Variants in ATP2B2 observed in about 807,000 individuals in gnomAD.
The protein encoded by ATP2B2 is plasma membrane calcium-transporting ATPase 2.
In ATP2B2, 15 loss-of-function variants were observed where a neutral mutation model predicts 120.0. The observed-to-expected ratio is 0.12, with a 90% CI of 0.08 to 0.19. The LOEUF is 0.19. ATP2B2 is among the 10% of genes least tolerant of loss of function. The pLI is 1.00. For synonymous variants in ATP2B2, 694 were observed against 700.3 expected (o/e 0.99, Z 0.14); for missense variants, 1,045 against 1,719.8 (o/e 0.61, Z 6.94).
intron 1 of ATP2B2, among the ~76,000 whole-genome samples, chr3:10,653,164 A>T (rs574195217): frequency 6.6e-6 from 1 of 152,308 alleles, no homozygotes; most frequent in Admixed American, 6.5e-5. Flanking sequence ...GTTCTCAGAT[A>T]GGTATTTCTA....
chr3:10,412,600 G>C (rs1190412998), intron 2 of ATP2B2, among the ~76,000 whole-genome samples: 1 of 152,136 alleles, frequency 6.6e-6, no homozygotes, highest in Non-Finnish European at 1.5e-5. Flanking sequence ...CTCCACCCCA[G>C]GAGGACAGTG....
rs996523934 is a variant in ATP2B2, at chr3:10,386,590, C to A, written c.908-78G>T. On this transcript the variant is annotated intron_variant, in intron 6 of 22. Coordinates refer to ENST00000360273, the MANE Select transcript of ATP2B2 (RefSeq NM_001001331.4). ...CTGCCCATGCGCACGCGCACACACA[C>A]AAACACACATGTGCATACACACATG... 17 of 1,486,574 alleles carry A rather than the reference C, an allele frequency of 1.1e-5. No homozygotes were observed. The Middle Eastern group carries it at 6.9e-4, about 60-fold the overall frequency. 92.1% of individuals were successfully genotyped at this position (1,486,574 alleles called of 1,614,324 possible).
intron 1 of ATP2B2, among the ~76,000 whole-genome samples, chr3:10,674,966 A>G (rs2071206033): frequency 6.6e-6 from 1 of 152,214 alleles, no homozygotes; most frequent in Non-Finnish European, 1.5e-5. Context: ...CTCTTTATTT[A>G]GTCTCCTTCA....
intron 3 of ATP2B2, among the ~76,000 whole-genome samples, chr3:10,522,226 T>C (rs895192723): frequency 6.6e-6 from 1 of 152,218 alleles, no homozygotes; most frequent in Non-Finnish European, 1.5e-5. Flanking sequence ...TGCTGTGCCC[T>C]ATTTGAGGAG....
chr3:10,338,727 G>A (rs1428181629), intron 21 of ATP2B2: 4 of 323,488 alleles, frequency 1.2e-5, no homozygotes, highest in East Asian at 8.8e-5. Flanking sequence ...TAACCTCACC[G>A]AGCTTTGGTT....
intron 3 of ATP2B2, among the ~76,000 whole-genome samples, chr3:10,408,339 T>C (rs2125006391): frequency 6.6e-6 from 1 of 152,222 alleles, no homozygotes; most frequent in East Asian, 1.9e-4. Flanking sequence ...GTTTTTTGTT[T>C]GTTTGTTTGT....
At chr3:10,527,700 C>T (rs2125467287) in intron 3 of ATP2B2, among the ~76,000 whole-genome samples, 1 of 152,360 alleles carries the variant, frequency 6.6e-6, no homozygotes, top group Non-Finnish European at 1.5e-5. Context: ...GGAGACCAAC[C>T]AGTCCAGGGC....
intron 2 of ATP2B2, among the ~76,000 whole-genome samples, chr3:10,594,222 T>A (rs1007980519): frequency 6.6e-6 from 1 of 152,178 alleles, no homozygotes; most frequent in Non-Finnish European, 1.5e-5. Context: ...ACTGGGTATA[T>A]ACCCAAAAGA....
chr3:10,386,808 C>T (rs939849898), intron 6 of ATP2B2, among the ~76,000 whole-genome samples: 1 of 152,234 alleles, frequency 6.6e-6, no homozygotes, highest in Non-Finnish European at 1.5e-5. Context: ...CTTCCTTCTA[C>T]ATGAGGCTAT....
intron 1 of ATP2B2, among the ~76,000 whole-genome samples, chr3:10,654,165 G>A (rs1182663434): frequency 6.6e-6 from 1 of 152,150 alleles, no homozygotes; most frequent in East Asian, 1.9e-4. Context: ...GAGAGGATAA[G>A]ATACTTGCCC....
intron 3 of ATP2B2, among the ~76,000 whole-genome samples, chr3:10,516,408 G>A (rs1392867867): frequency 6.6e-6 from 1 of 152,168 alleles, no homozygotes; most frequent in Non-Finnish European, 1.5e-5. Context: ...AAAAACTGTT[G>A]GCCAGCGATC....
Position 10,525,840 on chromosome 3 carries a change from C to T in ATP2B2, c.-320+8199G>A, listed in dbSNP as rs2067080090. 2.0e-5 allele frequency among the ~76,000 whole-genome samples: 3 copies of T among 152,102 alleles called. No individual in the cohort carries two copies. The South Asian group carries it at 6.2e-4, about 32-fold the overall frequency. ...TGCCTCAATTAAAAAAAAAAAGGTT[C>T]TCCAATTTGCCACAGTCCCCAGGAC... On this transcript the variant is annotated intron_variant, in intron 3 of 21. Transcript: ENST00000646379.
intron 2 of ATP2B2, among the ~76,000 whole-genome samples, chr3:10,598,610 A>T (rs1046304865): frequency 1.3e-5 from 2 of 152,174 alleles, no homozygotes; most frequent in African/African-American, 4.8e-5. Flanking sequence ...CTTACTCTAG[A>T]CGGCTTCTTA....
rs1316606654 is a variant in ATP2B2 at position 10,424,077 on chromosome 3, A to C, written c.200-13262T>G. ...ATGATGCAGGACCAATGCCCCTCTC[A>C]TAGGCCCCACTCGGCTGGGGCTGCA... is the stretch of plus-strand genomic sequence containing the variant. On this transcript the variant is annotated intron_variant, in intron 2 of 22. Coordinates refer to ENST00000360273, the MANE Select transcript of ATP2B2 (RefSeq NM_001001331.4). Among the ~76,000 whole-genome samples, 7 of 152,210 alleles carry C rather than the reference A, an allele frequency of 4.6e-5. No individual in the cohort carries two copies. The South Asian group carries it at 1.0e-3, about 23-fold the overall frequency.
chr3:10,690,163 C>G (rs558970308), intron 1 of ATP2B2, among the ~76,000 whole-genome samples: 2 of 152,338 alleles, frequency 1.3e-5, no homozygotes, highest in East Asian at 3.9e-4. Context: ...AAAGAGAAAG[C>G]CACAGCTACA....
rs139264442 is a variant in ATP2B2 at position 10,548,184 on chromosome 3, T to C, written c.-414-14051A>G. Among the ~76,000 whole-genome samples the C allele has an allele frequency of 6.8e-3, 1,040 of 152,350 alleles. 6 individuals are homozygous for C. Among genetic ancestry groups the C allele is most frequent in the Middle Eastern group, 0.017 (5 of 294 alleles). ...CACAGAGAGTGCTAGGAAAAGCCCC[T>C]GAAGGCTGCCACTCATAAGGGGCTT... On this transcript the variant is annotated intron_variant, in intron 2 of 21. Coordinates refer to the ATP2B2 transcript ENST00000646379.
chr3:10,633,772 A>T (rs1288266700), intron 1 of ATP2B2, among the ~76,000 whole-genome samples: 2 of 152,212 alleles, frequency 1.3e-5, no homozygotes, highest in African/African-American at 4.8e-5. Context: ...CAAGATCCTC[A>T]GTCCAGTTTC....
In ATP2B2 at chr3:10,402,876, T is replaced by G. The variant is rs539569267; in HGVS notation, c.398-528A>C. 6.6e-6 allele frequency among the ~76,000 whole-genome samples: 1 copy of G among 151,350 alleles called. No homozygotes were observed. The highest frequency in any genetic ancestry group is 1.5e-5 in the Non-Finnish European group (1 of 68,032). On this transcript the variant is annotated intron_variant, in intron 3 of 22. Coordinates refer to ENST00000360273, the MANE Select transcript of ATP2B2 (RefSeq NM_001001331.4). This position sits in a 1 kb window ranked among gnomAD's most constrained non-coding sequence, Gnocchi z 4.9. ...AGAAAAGAGAATTTTCTCTAATTGA[T>G]GAGAAAAGACAAGGAATTTTCTCTA...
chr3:10,620,539 C>T (rs926323469), intron 1 of ATP2B2, among the ~76,000 whole-genome samples: 2 of 152,060 alleles, frequency 1.3e-5, no homozygotes, highest in African/African-American at 2.4e-5. Flanking sequence ...GTGCAGCTCC[C>T]GGGAGAAGTG....
Sources: allele counts gnomAD v4.1 joint callset (sites outside exome capture counted in the v4.1 genomes callset), GRCh38; gene constraint gnomAD v4.1.1; non-coding constraint Gnocchi (gnomAD v3.1); transcripts MANE v1.5; gene names NCBI Gene and HGNC (gene_info 2026-07-23, HGNC 2026-07-21).